The following CLXN variants were observed in gnomAD, a reference collection of about 807,000 sequenced individuals.
The protein encoded by CLXN is calaxin, also known as EF-hand calcium binding domain 1.
the CLXN span, among the ~76,000 whole-genome samples, chr8:48,728,675 C>T: frequency 1.3e-5 from 2 of 152,152 alleles, no homozygotes; most frequent in East Asian, 3.8e-4. Context: ...CGTTGCCTGG[C>T]ATTGATGAAG....
the CLXN span, among the ~76,000 whole-genome samples, chr8:48,712,656 C>A: frequency 6.6e-6 from 1 of 152,178 alleles, no homozygotes; most frequent in African/African-American, 2.4e-5. Flanking sequence ...CGCCCAGCCT[C>A]ATTAAGGATG....
At chr8:48,720,588 G>C in the CLXN span, among the ~76,000 whole-genome samples, 1 of 152,206 alleles carries the variant, frequency 6.6e-6, no homozygotes, top group Non-Finnish European at 1.5e-5. Context: ...TGTTGTTTAA[G>C]ATGTTTATCA....
the CLXN span, among the ~76,000 whole-genome samples, chr8:48,720,083 T>G: frequency 8.5e-4 from 130 of 152,218 alleles, no homozygotes; most frequent in Non-Finnish European, 1.0e-4. Flanking sequence ...TTTAATCTCT[T>G]AATCCTGTTA....
chr8:48,732,114 G>C, the CLXN span, among the ~76,000 whole-genome samples: 2 of 152,074 alleles, frequency 1.3e-5, no homozygotes, highest in Non-Finnish European at 2.9e-5. Flanking sequence ...TTATTTAAAG[G>C]ATATACACAC....
the CLXN span, among the ~76,000 whole-genome samples, chr8:48,726,554 T>A: frequency 2.9e-5 from 4 of 138,408 alleles, no homozygotes; most frequent in Admixed American, 2.9e-4. Flanking sequence ...TCCATCTACC[T>A]ACCCGCACAT....
At chr8:48,724,871 G>A in the CLXN span, 4 of 1,304,602 alleles carry the variant, frequency 3.1e-6, no homozygotes, top group East Asian at 9.3e-5. Flanking sequence ...TATTCTGTAT[G>A]TCTCCTTAGT....
the CLXN span, chr8:48,711,610 C>G: frequency 6.6e-6 from 1 of 152,318 alleles, no homozygotes; most frequent in South Asian, 2.1e-4. Context: ...GGAGAGGAAT[C>G]AATGATCTCA....
the CLXN span, among the ~76,000 whole-genome samples, chr8:48,713,006 A>G: frequency 7.2e-4 from 110 of 151,894 alleles, no homozygotes; most frequent in African/African-American, 2.0e-3. Context: ...AAAAAAAAAA[A>G]AAAGAAAGAA....
At chr8:48,734,973 G>A in the CLXN span, 1 of 1,129,666 alleles carries the variant, frequency 8.9e-7, no homozygotes, top group Non-Finnish European at 1.3e-6. Context: ...GTGGAGGGGC[G>A]GTAGGTAGCC....
the CLXN span, chr8:48,729,885 T>A: frequency 3.8e-6 from 6 of 1,597,436 alleles, no homozygotes; most frequent in South Asian, 5.6e-5. Flanking sequence ...TTTAAGAAAA[T>A]AACAAATCAT....
chr8:48,718,547 C>T, the CLXN span, among the ~76,000 whole-genome samples: 1 of 152,060 alleles, frequency 6.6e-6, no homozygotes, highest in African/African-American at 2.4e-5. Flanking sequence ...GGTTAGATCA[C>T]ATGTTAGGTA....
chr8:48,730,371 A>G, the CLXN span, among the ~76,000 whole-genome samples: 4 of 152,142 alleles, frequency 2.6e-5, no homozygotes, highest in Non-Finnish European at 4.4e-5. Context: ...ACTTTCTTTC[A>G]TATTTTATTG....
chr8:48,735,228 G>A, the CLXN span: 1 of 1,543,192 alleles, frequency 6.5e-7, no homozygotes, highest in Non-Finnish European at 8.9e-7. Context: ...GGACCCCCGC[G>A]AGCCCTGGTG....
chr8:48,720,636 G>C, the CLXN span, among the ~76,000 whole-genome samples: 1 of 152,214 alleles, frequency 6.6e-6, no homozygotes, highest in Non-Finnish European at 1.5e-5. Flanking sequence ...ACCCTTATCA[G>C]TGGTTCTGCT....
At chr8:48,712,568 A>C in the CLXN span, 1 of 152,316 alleles carries the variant, frequency 6.6e-6, no homozygotes, top group Admixed American at 6.5e-5. Flanking sequence ...AAAGCCACAA[A>C]TGACCAATGG....
the CLXN span, chr8:48,731,455 A>C: frequency 6.2e-7 from 1 of 1,613,348 alleles, no homozygotes; most frequent in South Asian, 1.1e-5. Flanking sequence ...TACTCCTCCC[A>C]CCAAGTCATA....
chr8:48,728,179 G>T, the CLXN span, among the ~76,000 whole-genome samples: 1 of 152,158 alleles, frequency 6.6e-6, no homozygotes, highest in Non-Finnish European at 1.5e-5. Context: ...TGAGCTCCAA[G>T]CTCCACAAGC....
At chr8:48,728,545 A>C in the CLXN span, among the ~76,000 whole-genome samples, 1 of 152,188 alleles carries the variant, frequency 6.6e-6, no homozygotes, top group African/African-American at 2.4e-5. Context: ...AACTTGGACA[A>C]GGTGCCTAAA....
At chr8:48,728,026 G>A in the CLXN span, among the ~76,000 whole-genome samples, 1 of 152,170 alleles carries the variant, frequency 6.6e-6, no homozygotes, top group Non-Finnish European at 1.5e-5. Context: ...AGTCAAAAAT[G>A]TGTTGAGGAG....
Sources: gnomAD v4.1 joint callset for allele counts (sites outside exome capture counted in the v4.1 genomes callset) on GRCh38, gnomAD v4.1.1 for gene constraint, MANE v1.5 for transcripts, NCBI Gene and HGNC (gene_info 2026-07-23, HGNC 2026-07-21) for gene names.